Variants in WSB1 observed in about 807,000 individuals in gnomAD.
The protein encoded by WSB1 is WD repeat and SOCS box containing 1.
Under a neutral mutation model 50.2 loss-of-function variants are expected in WSB1, and 23 were observed. The observed-to-expected ratio is 0.46, with a 90% CI of 0.33 to 0.65. The LOEUF (loss-of-function observed/expected upper bound fraction) is 0.65, where lower values mean the gene tolerates loss of function less well. WSB1 is among the 30% of genes least tolerant of loss of function. WSB1 has a pLI of 0.02. For missense variants in WSB1, 492 were observed against 522.3 expected (o/e 0.94, Z 0.56); for synonymous variants, 179 against 172.0 (o/e 1.04, Z -0.32).
intron 4 of WSB1, among the ~76,000 whole-genome samples, chr17:27,305,405 T>G (rs1343264386): frequency 1.3e-5 from 2 of 152,226 alleles, no homozygotes; most frequent in East Asian, 3.8e-4. Flanking sequence ...TTATAAAAAG[T>G]GAAAGATTTA....
In WSB1 at chr17:27,303,657, A is replaced by G. The variant is rs769503533; in HGVS notation, c.478+22A>G. On this transcript the variant is annotated intron_variant, in intron 3 of 8. Transcript: ENST00000262394. ...ACAGGTATGGATTCATAGTTTTTAA[A>G]GCAAATGTATTATTTTATGATGCAG... 5 of 1,607,042 alleles carry G rather than the reference A, an allele frequency of 3.1e-6. No homozygotes were observed. In the Admixed American group the frequency reaches 8.4e-5, roughly 27 times the overall value.
At position 27,303,359 on chromosome 17, in the gene WSB1, C is replaced by T; in HGVS notation, c.210-8C>T. On this transcript the variant is annotated splice_region_variant and splice_polypyrimidine_tract_variant and intron_variant, in intron 2 of 8. Coordinates refer to ENST00000262394, the MANE Select transcript of WSB1 (RefSeq NM_015626.10). Reference sequence around the variant, plus strand: ...AATACAATTTCCATCTGACTTCCCCCACTCCAGTCTCTTGCATGGCACCAA... The same window carrying T: ...AATACAATTTCCATCTGACTTCCCCTACTCCAGTCTCTTGCATGGCACCAA... 6.2e-7 allele frequency: 1 copy of T among 1,611,844 alleles called. No individual in the cohort carries two copies. Among genetic ancestry groups the T allele is most frequent in the Non-Finnish European group, 8.5e-7 (1 of 1,178,658 alleles).
chr17:27,308,588 C>CTGTT (rs1267826211), intron 5 of WSB1: 1 of 985,870 alleles, frequency 1.0e-6, no homozygotes, highest in African/African-American at 1.7e-5. Context: ...CTTGCAGTAT[C>CTGTT]TGTTTCTCTT....
At position 27,313,513 on chromosome 17, in the gene WSB1, T is replaced by C. The variant is rs2017768865; in HGVS notation, c.*1144T>C. 6.6e-6 allele frequency: 1 copy of C among 152,540 alleles called. No homozygotes were observed. Among genetic ancestry groups the C allele is most frequent in the Admixed American group, 6.5e-5 (1 of 15,274 alleles). The allele number at this position is 152,540 out of a possible 1,614,324, so 9.4% of individuals were successfully genotyped here. On this transcript the variant is annotated 3_prime_UTR_variant, in exon 9 of 9. Transcript: ENST00000262394. ...TGCCAAAGAAGCAATACAGCATATC[T>C]GCTTTTGCCTTCTGTTGTTTATCTT...
chr17:27,307,145 T>A (rs1381257418), intron 5 of WSB1: 2 of 436,696 alleles, frequency 4.6e-6, no homozygotes, highest in African/African-American at 4.0e-5. Flanking sequence ...TAGAAAAGTT[T>A]ATGTGCTGTA....
At chr17:27,295,087 C>G (rs2016898428) in intron 1 of WSB1, among the ~76,000 whole-genome samples, 1 of 152,118 alleles carries the variant, frequency 6.6e-6, no homozygotes, top group Non-Finnish European at 1.5e-5. Context: ...AGTGTCTAGC[C>G]CTGGTCGGCT....
chr17:27,306,969 G>C, intron 5 of WSB1, 87 bp downstream of exon 5: 2 of 1,280,352 alleles, frequency 1.6e-6, no homozygotes, highest in Admixed American at 2.0e-5. Flanking sequence ...AACCTATGAA[G>C]TCTGTGCTCG....
intron 6 of WSB1, among the ~76,000 whole-genome samples, chr17:27,309,511 T>C: frequency 6.6e-6 from 1 of 152,228 alleles, no homozygotes; most frequent in East Asian, 1.9e-4. Context: ...GAAGTACTAA[T>C]TATGTTTAGA....
rs1597772630 is a variant in WSB1, at chr17:27,312,079, T to G, written c.1107-131T>G. ...CATGGAATACATCATTGGTTAGTTC[T>G]TCCTGGTTGGGTTTTAATGTGAAGT... On this transcript the variant is annotated intron_variant, in intron 8 of 8. Transcript: ENST00000262394. 1.0e-5 allele frequency: 5 copies of G among 489,640 alleles called. No homozygotes were observed. In the Middle Eastern group the frequency reaches 2.6e-3, roughly 257 times the overall value. 30.3% of individuals were successfully genotyped at this position (489,640 alleles called of 1,614,324 possible). A position where few individuals can be genotyped will look rare whatever the true frequency, so the allele number is the denominator to read the frequency against.
chr17:27,312,493 G>T lies in WSB1; in HGVS notation c.*124G>T, dbSNP rs1471810256. 1.1e-5 allele frequency: 14 copies of T among 1,279,954 alleles called. No homozygotes were observed. Among genetic ancestry groups the T allele is most frequent in the Non-Finnish European group, 1.5e-5 (14 of 924,502 alleles). The allele number at this position is 1,279,954 out of a possible 1,614,324, so 79.3% of individuals were successfully genotyped here. A position where few individuals can be genotyped will look rare whatever the true frequency, so the allele number is the denominator to read the frequency against. ...GATTTATTTAATTTGATATGTTCTT[G>T]TACTGCATTTTGATCAGTTGAGCTT... On this transcript the variant is annotated 3_prime_UTR_variant, in exon 9 of 9. Coordinates refer to ENST00000262394, the MANE Select transcript of WSB1 (RefSeq NM_015626.10).
intron 3 of WSB1, 52 bp from the exon 4 acceptor site, chr17:27,304,723 GAACAA>G: frequency 6.4e-7 from 1 of 1,559,894 alleles, no homozygotes; most frequent in Non-Finnish European, 8.7e-7. Flanking sequence ...AGAAAAATAA[GAACAA>G]AACAAAAATA....
intron 3 of WSB1, among the ~76,000 whole-genome samples, chr17:27,304,279 A>G (rs2017352835): frequency 6.6e-6 from 1 of 152,178 alleles, no homozygotes; most frequent in Non-Finnish European, 1.5e-5. Context: ...TTAGAAAACA[A>G]AGCTCTTACA....
rs1226949757 is a variant in WSB1, at chr17:27,315,854, TTTG to T, written c.*3494_*3496del. The T allele has an allele frequency of 9.2e-5, 14 of 152,346 alleles. No homozygotes were observed. The highest frequency in any genetic ancestry group is 3.9e-4 in the East Asian group (2 of 5,190). The allele number at this position is 152,346 out of a possible 1,614,324, so 9.4% of individuals were successfully genotyped here. A position where few individuals can be genotyped will look rare whatever the true frequency, so the allele number is the denominator to read the frequency against. Reference sequence around the variant, plus strand: ...CATAAGTTGGAGTATACTGGGTTTTTTTGTTGTTGTTAAATTCTTTTCCATCAG... The same window carrying T: ...CATAAGTTGGAGTATACTGGGTTTTTTTGTTGTTAAATTCTTTTCCATCAG... On this transcript the variant is annotated 3_prime_UTR_variant, in exon 9 of 9. Coordinates refer to ENST00000262394, the MANE Select transcript of WSB1 (RefSeq NM_015626.10).
intron 1 of WSB1, among the ~76,000 whole-genome samples, chr17:27,296,039 G>A (rs1486688869): frequency 6.6e-6 from 1 of 151,962 alleles, no homozygotes; most frequent in African/African-American, 2.4e-5. Flanking sequence ...TCTCCATGTT[G>A]GTCAGGCTGG....
chr17:27,302,923 T>C (rs1184016899), intron 2 of WSB1: 2 of 163,522 alleles, frequency 1.2e-5, no homozygotes, highest in South Asian at 1.7e-4. Flanking sequence ...ACTTGAGGTC[T>C]GGAACCTATG....
rs1441743513 is a variant in WSB1 at position 27,313,708 on chromosome 17, A to G, written c.*1339A>G. 6.6e-6 allele frequency: 1 copy of G among 152,214 alleles called. No individual in the cohort carries two copies. The highest frequency in any genetic ancestry group is 1.5e-5 in the Non-Finnish European group (1 of 68,040). 9.4% of individuals were successfully genotyped at this position (152,214 alleles called of 1,614,324 possible). A position where few individuals can be genotyped will look rare whatever the true frequency, so the allele number is the denominator to read the frequency against. ...GTCTCCATTGTAAGGTTGATGGTAC[A>G]CCACAGGCAAATTAAGCAAAAAGGA... On this transcript the variant is annotated 3_prime_UTR_variant, in exon 9 of 9. Coordinates refer to ENST00000262394, the MANE Select transcript of WSB1 (RefSeq NM_015626.10).
intron 1 of WSB1, 137 bp from the exon 2 acceptor site, chr17:27,301,651 A>ATT: frequency 2.6e-6 from 2 of 766,936 alleles, no homozygotes; most frequent in Non-Finnish European, 4.1e-6. Context: ...ACCCCCCGTT[A>ATT]GAGGATGGAA....
chr17:27,296,020 G>C (rs565257406), intron 1 of WSB1, among the ~76,000 whole-genome samples: 1 of 152,088 alleles, frequency 6.6e-6, no homozygotes, highest in Admixed American at 6.6e-5. Context: ...TTTTAGTAGA[G>C]ATGGGGTTTC....
In WSB1 at chr17:27,312,080, T is replaced by C. The variant is rs535570455; in HGVS notation, c.1107-130T>C. 36 of 1,089,964 alleles carry C rather than the reference T, an allele frequency of 3.3e-5. 1 individual carries two copies. The South Asian group carries it at 6.1e-4, about 19-fold the overall frequency. 67.5% of individuals were successfully genotyped at this position (1,089,964 alleles called of 1,614,324 possible). A position where few individuals can be genotyped will look rare whatever the true frequency, so the allele number is the denominator to read the frequency against. On this transcript the variant is annotated intron_variant, in intron 8 of 8. Coordinates refer to ENST00000262394, the MANE Select transcript of WSB1 (RefSeq NM_015626.10). ...ATGGAATACATCATTGGTTAGTTCT[T>C]CCTGGTTGGGTTTTAATGTGAAGTT...
Sources: gnomAD v4.1 joint callset for allele counts (sites outside exome capture counted in the v4.1 genomes callset) on GRCh38, gnomAD v4.1.1 for gene constraint, MANE v1.5 for transcripts, NCBI Gene and HGNC (gene_info 2026-07-23, HGNC 2026-07-21) for gene names.